Variants in CNTN4 observed in about 807,000 individuals in gnomAD.
CNTN4 encodes contactin-4.
Under a neutral mutation model 122.5 loss-of-function variants are expected in CNTN4, and 77 were observed. That is an observed-to-expected ratio of 0.63 (90% CI 0.52 to 0.76). The LOEUF is 0.76. Ranked by LOEUF, CNTN4 falls within the 30% of genes least tolerant of loss-of-function variation. CNTN4 has a pLI of 0.00. For synonymous variants in CNTN4, 512 were observed against 447.0 expected, an observed-to-expected ratio of 1.15 and a Z score of -1.83; for missense variants, 1,256 against 1,259.1, an observed-to-expected ratio of 1.00 and a Z score of 0.04.
intron 2 of CNTN4, among the ~76,000 whole-genome samples, chr3:2,215,902 A>AAAAAC: frequency 6.6e-6 from 1 of 151,388 alleles, no homozygotes; most frequent in East Asian, 1.9e-4. Context: ...AAAAAAAAAA[A>AAAAAC]AAAAAGAGTT....
At chr3:2,325,183 T>C (rs1370129030) in intron 2 of CNTN4, among the ~76,000 whole-genome samples, 1 of 152,168 alleles carries the variant, frequency 6.6e-6, no homozygotes, top group Admixed American at 6.5e-5. Context: ...TGATGTCACA[T>C]AAGAGCGAAT....
chr3:2,864,835 C>A (rs997261597), intron 7 of CNTN4, among the ~76,000 whole-genome samples: 1 of 149,712 alleles, frequency 6.7e-6, no homozygotes, highest in African/African-American at 2.5e-5. Flanking sequence ...ATTCTAACTT[C>A]CATCATGTGA....
At chr3:2,696,240 G>A (rs1028269180) in intron 4 of CNTN4, among the ~76,000 whole-genome samples, 4 of 152,164 alleles carry the variant, frequency 2.6e-5, no homozygotes, top group African/African-American at 4.8e-5. Flanking sequence ...TAATTTCTGC[G>A]AAGTGGAGTT....
chr3:2,150,965 G>A (rs554523394), intron 2 of CNTN4, among the ~76,000 whole-genome samples: 2 of 152,200 alleles, frequency 1.3e-5, no homozygotes, highest in South Asian at 2.1e-4. Flanking sequence ...GGTCCACCGG[G>A]AACTATCGTA....
At chr3:2,480,507 A>G (rs1002580052) in intron 3 of CNTN4, among the ~76,000 whole-genome samples, 7 of 152,238 alleles carry the variant, frequency 4.6e-5, no homozygotes, top group African/African-American at 1.7e-4. Context: ...TAAAAACATA[A>G]TACCATTTAT....
At chr3:2,254,868 G>A (rs867323288) in intron 2 of CNTN4, among the ~76,000 whole-genome samples, 1 of 152,158 alleles carries the variant, frequency 6.6e-6, no homozygotes, top group Non-Finnish European at 1.5e-5. Flanking sequence ...TTCTTTTGCT[G>A]TGAGGAAGCT....
At chr3:2,343,878 C>G (rs2044299013) in intron 3 of CNTN4, among the ~76,000 whole-genome samples, 1 of 152,084 alleles carries the variant, frequency 6.6e-6, no homozygotes, top group Admixed American at 6.6e-5. Context: ...AAGCATGGCA[C>G]CAGCATCTGT....
chr3:2,476,273 A>T (rs2075831658), intron 3 of CNTN4, among the ~76,000 whole-genome samples: 1 of 152,162 alleles, frequency 6.6e-6, no homozygotes, highest in Non-Finnish European at 1.5e-5. Flanking sequence ...GGTTAAGTAC[A>T]TGGAAGTGGA....
chr3:2,970,297 A>G (rs1692773425), intron 13 of CNTN4, among the ~76,000 whole-genome samples: 1 of 151,966 alleles, frequency 6.6e-6, no homozygotes, highest in South Asian at 2.1e-4. Context: ...GGGCCTAGCT[A>G]TGTTGCCCAA....
chr3:2,360,014 C>T (rs538621562), intron 3 of CNTN4, among the ~76,000 whole-genome samples: 86 of 152,308 alleles, frequency 5.6e-4, no homozygotes, highest in African/African-American at 1.9e-3. Context: ...AATCTACAGA[C>T]TTAGAAGGAA....
At chr3:2,493,950 C>A (rs1184225952) in intron 3 of CNTN4, among the ~76,000 whole-genome samples, 2 of 151,720 alleles carry the variant, frequency 1.3e-5, no homozygotes, top group African/African-American at 4.8e-5. Context: ...AGAATAGTGG[C>A]AGAGTGAGAT....
At chr3:2,783,682 C>G (rs1250688980) in intron 6 of CNTN4, among the ~76,000 whole-genome samples, 1 of 152,162 alleles carries the variant, frequency 6.6e-6, no homozygotes, top group Non-Finnish European at 1.5e-5. Context: ...TTAGAAAAAT[C>G]TCGAACAAAT....
chr3:2,252,885 C>G (rs888215042), intron 2 of CNTN4, among the ~76,000 whole-genome samples: 1 of 151,938 alleles, frequency 6.6e-6, no homozygotes, highest in African/African-American at 2.4e-5. Context: ...CTTTTTGGTA[C>G]GTTTTCTTAT....
At chr3:2,661,809 CAAAA>C (rs544079802) in intron 4 of CNTN4, among the ~76,000 whole-genome samples, 4,238 of 78,382 alleles carry the variant, frequency 0.054, 52 homozygotes, top group African/African-American at 0.065. Context: ...AATTCCATCT[CAAAA>C]AAAAAAAAAA....
At chr3:2,331,573 T>G (rs1051897950) in intron 2 of CNTN4, among the ~76,000 whole-genome samples, 11 of 152,118 alleles carry the variant, frequency 7.2e-5, no homozygotes, top group Admixed American at 1.3e-4. Flanking sequence ...GTAGGGTAAA[T>G]GAAGTGCACC....
chr3:2,604,541 G>T (rs1559294569), intron 4 of CNTN4, among the ~76,000 whole-genome samples: 1 of 152,094 alleles, frequency 6.6e-6, no homozygotes. Flanking sequence ...GAATAAAGTA[G>T]GGCAGATTTG....
At chr3:2,739,723 G>A (rs2089344942) in intron 5 of CNTN4, among the ~76,000 whole-genome samples, 1 of 152,172 alleles carries the variant, frequency 6.6e-6, no homozygotes, top group South Asian at 2.1e-4. Flanking sequence ...GTTTTACATG[G>A]CAAGGAAGCC....
At chr3:2,144,242 A>G (rs906709710) in intron 2 of CNTN4, 2 of 152,128 alleles carry the variant, frequency 1.3e-5, no homozygotes, top group African/African-American at 4.8e-5. Flanking sequence ...CAGCTTACAT[A>G]TCAGGCCTGG....
chr3:2,924,849 A>G (rs190437482), intron 12 of CNTN4, among the ~76,000 whole-genome samples: 4 of 152,166 alleles, frequency 2.6e-5, no homozygotes, highest in African/African-American at 9.7e-5. Flanking sequence ...ACAGTTCAGC[A>G]TGTTCTCTAA....
Sources: gnomAD v4.1 joint callset for allele counts (sites outside exome capture counted in the v4.1 genomes callset) on GRCh38, gnomAD v4.1.1 for gene constraint, MANE v1.5 for transcripts, NCBI Gene and HGNC (gene_info 2026-07-23, HGNC 2026-07-21) for gene names.